The following PDE10A variants were observed in gnomAD, a reference collection of about 807,000 sequenced individuals.
PDE10A encodes the protein cAMP and cAMP-inhibited cGMP 3',5'-cyclic phosphodiesterase 10A.
A neutral mutation model predicts 97.7 loss-of-function variants in PDE10A; 39 were observed. The observed-to-expected ratio is 0.40, with a 90% CI of 0.31 to 0.52. The LOEUF (loss-of-function observed/expected upper bound fraction) is 0.52, where lower values mean the gene tolerates loss of function less well. PDE10A is among the 20% of genes least tolerant of loss of function. The pLI is 0.56. For missense variants in PDE10A, 731 were observed against 1,047.8 expected (o/e 0.70, Z 4.17); for synonymous variants, 371 against 376.8 (o/e 0.98, Z 0.18).
intron 1 of PDE10A, among the ~76,000 whole-genome samples, chr6:165,669,504 A>G (rs1222789682): frequency 6.6e-6 from 1 of 152,252 alleles, no homozygotes; most frequent in Non-Finnish European, 1.5e-5. Context: ...TGAAAGATAC[A>G]TGTAAATAGT....
At chr6:165,953,672 G>A (rs993597280) in intron 1 of PDE10A, among the ~76,000 whole-genome samples, 13 of 152,116 alleles carry the variant, frequency 8.5e-5, no homozygotes, top group Non-Finnish European at 1.0e-4. Context: ...GAGTCCTCCC[G>A]TCCCCGGCAT....
At chr6:165,550,408 G>GT (rs2128328635) in intron 1 of PDE10A, among the ~76,000 whole-genome samples, 1 of 152,230 alleles carries the variant, frequency 6.6e-6, no homozygotes, top group South Asian at 2.1e-4. Flanking sequence ...GCTTCTTACA[G>GT]TGTCAGTCCA....
intron 1 of PDE10A, among the ~76,000 whole-genome samples, chr6:165,656,258 TCACACACACACACACACACACACA>T (rs3083000): frequency 0.011 from 1,468 of 129,924 alleles, 24 homozygotes; most frequent in African/African-American, 0.043. Flanking sequence ...TCTCTCTCTC[TCACACACACACACACACACACACA>T]CACACACACA....
At chr6:165,860,176 G>A (rs531366616) in intron 1 of PDE10A, among the ~76,000 whole-genome samples, 66 of 152,260 alleles carry the variant, frequency 4.3e-4, no homozygotes, top group African/African-American at 1.1e-3. Flanking sequence ...AAACGTGGCC[G>A]GGCGCAGTGG....
At chr6:165,763,935 T>A (rs952245036) in intron 1 of PDE10A, among the ~76,000 whole-genome samples, 1 of 152,188 alleles carries the variant, frequency 6.6e-6, no homozygotes, top group Non-Finnish European at 1.5e-5. Context: ...TCATAAGGGA[T>A]AAGTTATTAT....
At chr6:165,361,237 A>G (rs1268556736) in intron 18 of PDE10A, among the ~76,000 whole-genome samples, 1 of 152,286 alleles carries the variant, frequency 6.6e-6, no homozygotes, top group East Asian at 1.9e-4. Flanking sequence ...ACTCCACCAA[A>G]CACCACAGAA....
intron 13 of PDE10A, among the ~76,000 whole-genome samples, chr6:165,406,228 A>ATATGTGTGTG (rs140845501): frequency 0.012 from 1,620 of 140,494 alleles, 47 homozygotes; most frequent in African/African-American, 0.04. Flanking sequence ...AGGGAAAAGG[A>ATATGTGTGTG]TGTGTGTGTG....
intron 13 of PDE10A, among the ~76,000 whole-genome samples, chr6:165,411,776 T>G (rs220753): frequency 0.27 from 41,360 of 152,140 alleles, 6,745 homozygotes; most frequent in African/African-American, 0.45. Context: ...TAGTATCTAT[T>G]TAACAGAGAA....
chr6:165,800,528 G>T (rs1188176393), intron 1 of PDE10A, among the ~76,000 whole-genome samples: 1 of 152,150 alleles, frequency 6.6e-6, no homozygotes, highest in Non-Finnish European at 1.5e-5. Flanking sequence ...ATCCAGTGTG[G>T]TCAGTGAGGC....
chr6:165,363,636 T>A (rs1687789455), intron 18 of PDE10A, among the ~76,000 whole-genome samples: 1 of 152,136 alleles, frequency 6.6e-6, no homozygotes, highest in African/African-American at 2.4e-5. Context: ...AAGAGAAACC[T>A]AAGCAATGCA....
chr6:165,391,764 A>C (rs556018721), intron 16 of PDE10A, among the ~76,000 whole-genome samples: 1 of 152,326 alleles, frequency 6.6e-6, no homozygotes, highest in South Asian at 2.1e-4. Flanking sequence ...TTTTCCACTC[A>C]GATTGTGAAT....
intron 1 of PDE10A, among the ~76,000 whole-genome samples, chr6:165,771,656 A>C (rs1297237342): frequency 9.9e-5 from 4 of 40,540 alleles, no homozygotes; most frequent in African/African-American, 8.6e-4. Flanking sequence ...TAACAAGATA[A>C]AAAAAAAAAA....
chr6:165,779,773 G>A (rs535032918), intron 1 of PDE10A, among the ~76,000 whole-genome samples: 8 of 152,182 alleles, frequency 5.3e-5, no homozygotes, highest in African/African-American at 1.9e-4. Context: ...TGTCTCCCAG[G>A]GGCTCCCTGC....
chr6:165,934,188 T>C (rs1337415826), intron 1 of PDE10A, among the ~76,000 whole-genome samples: 1 of 138,854 alleles, frequency 7.2e-6, no homozygotes, highest in Non-Finnish European at 1.5e-5. Context: ...TTAGTGGAGA[T>C]GGGGTTTTAC....
chr6:165,577,132 G>A (rs751891157), intron 1 of PDE10A, among the ~76,000 whole-genome samples: 3 of 152,162 alleles, frequency 2.0e-5, no homozygotes, highest in Non-Finnish European at 4.4e-5. Flanking sequence ...TTCCTAAAAG[G>A]CTCATGTTTT....
In PDE10A at chr6:165,478,246, A is replaced by C. The variant is rs1354715175; in HGVS notation, c.1023+4069T>G. Among the ~76,000 whole-genome samples the C allele has an allele frequency of 1.3e-5, 2 of 152,162 alleles. 1 individual carries two copies. Among genetic ancestry groups the C allele is most frequent in the South Asian group, 4.1e-4 (2 of 4,828 alleles). On this transcript the variant is annotated intron_variant, in intron 3 of 21. Transcript: ENST00000539869. Reference sequence around the variant, plus strand: ...TTTTATTCTATCAAGTGCTCAGATCAAAAAAGTTGGGAGTCATTACTCATT... The same window carrying C: ...TTTTATTCTATCAAGTGCTCAGATCCAAAAAGTTGGGAGTCATTACTCATT...
At chr6:165,879,594 C>T (rs995584671) in intron 1 of PDE10A, among the ~76,000 whole-genome samples, 4 of 152,210 alleles carry the variant, frequency 2.6e-5, no homozygotes, top group African/African-American at 9.6e-5. Flanking sequence ...CCAGGACCCC[C>T]TACAGATATC....
intron 1 of PDE10A, among the ~76,000 whole-genome samples, chr6:165,550,144 T>C (rs972552600): frequency 1.3e-5 from 2 of 152,162 alleles, no homozygotes; most frequent in Admixed American, 6.5e-5. Context: ...CTTCCTGACC[T>C]TAAAAGAATT....
intron 1 of PDE10A, among the ~76,000 whole-genome samples, chr6:165,955,510 A>G (rs1784108602): frequency 6.6e-6 from 1 of 151,940 alleles, no homozygotes; most frequent in South Asian, 2.1e-4. Context: ...GTCTACCTCC[A>G]CCGTCTGCCT....
Sources: gnomAD v4.1 joint callset for allele counts (sites outside exome capture counted in the v4.1 genomes callset) on GRCh38, gnomAD v4.1.1 for gene constraint, MANE v1.5 for transcripts, NCBI Gene and HGNC (gene_info 2026-07-23, HGNC 2026-07-21) for gene names.